KCNAB3: variants seen among roughly 807,000 people sequenced by gnomAD.
KCNAB3 encodes the protein voltage-gated potassium channel subunit beta-3.
Under a neutral mutation model 67.7 loss-of-function variants are expected in KCNAB3, and 62 were observed. The observed-to-expected ratio is 0.92, with a 90% CI of 0.75 to 1.13. The LOEUF (loss-of-function observed/expected upper bound fraction) is 1.13, where lower values mean the gene tolerates loss of function less well. KCNAB3 is among the 50% of genes most tolerant of loss of function. KCNAB3 has a pLI of 0.00. For missense variants in KCNAB3, 514 were observed against 522.9 expected, an observed-to-expected ratio of 0.98 and a Z score of 0.17; for synonymous variants, 212 against 205.4, an observed-to-expected ratio of 1.03 and a Z score of -0.27.
At position 7,922,075 on chromosome 17, in the gene KCNAB3, TGGAGAGAAA is replaced by T. The variant is rs1200496740; in HGVS notation, c.*1018_*1026del. 1 of 152,038 alleles carries T rather than the reference TGGAGAGAAA, an allele frequency of 6.6e-6. No homozygotes were observed. The highest frequency in any genetic ancestry group is 2.4e-5 in the African/African-American group (1 of 41,344). 9.4% of individuals were successfully genotyped at this position (152,038 alleles called of 1,614,324 possible). ...CTGGGTCACCAAGGTGAATGAGCAA[TGGAGAGAAA>T]GCTAATGCTAGCAGATTTCTAATGT... On this transcript the variant is annotated 3_prime_UTR_variant, in exon 14 of 14. Coordinates refer to ENST00000303790, the MANE Select transcript of KCNAB3 (RefSeq NM_004732.4).
chr17:7,926,852 C>T (rs1428627966), intron 4 of KCNAB3, among the ~76,000 whole-genome samples: 1 of 152,116 alleles, frequency 6.6e-6, no homozygotes, highest in East Asian at 1.9e-4. Flanking sequence ...GCTGCATAAA[C>T]CACGAATTGC....
At chr17:7,927,901 C>T in intron 1 of KCNAB3, 75 bp from the exon 2 acceptor site, 1 of 1,571,816 alleles carries the variant, frequency 6.4e-7, no homozygotes, top group East Asian at 2.2e-5. Flanking sequence ...CAGCTCCTCT[C>T]CTTCCAGACT....
At position 7,923,046 on chromosome 17, in the gene KCNAB3, A is replaced by T; in HGVS notation, c.*56T>A. 1 of 1,537,820 alleles carries T rather than the reference A, an allele frequency of 6.5e-7. No homozygotes were observed. Among genetic ancestry groups the T allele is most frequent in the Non-Finnish European group, 9.0e-7 (1 of 1,111,604 alleles). ...CGGAGCGGGAGAGGCGGCTGCGAGGAGCGGGGCTCGGGCGGGTGCAGCGAC... is the reference window on the plus strand; with the variant it reads ...CGGAGCGGGAGAGGCGGCTGCGAGGTGCGGGGCTCGGGCGGGTGCAGCGAC... On this transcript the variant is annotated 3_prime_UTR_variant, in exon 14 of 14. Transcript: ENST00000303790.
chr17:7,924,921 T>G (rs1186148276), intron 8 of KCNAB3, 176 bp downstream of exon 8: 37 of 605,758 alleles, frequency 6.1e-5, no homozygotes, highest in Non-Finnish European at 2.8e-5. Flanking sequence ...TTTTAAAACA[T>G]TTTTTGTAGA....
At chr17:7,923,583 A>T (rs984646185) in intron 12 of KCNAB3, 39 bp from the exon 13 acceptor site, 7 of 1,567,200 alleles carry the variant, frequency 4.5e-6, no homozygotes, top group Middle Eastern at 1.7e-4. Context: ...CTGATGGGGA[A>T]CAGTGACCAC....
chr17:7,923,306 G>T, intron 13 of KCNAB3, 127 bp from the exon 14 acceptor site: 3 of 1,247,328 alleles, frequency 2.4e-6, no homozygotes, highest in Non-Finnish European at 3.5e-6. Context: ...CAGCTGTGCC[G>T]GTGCCTCGCT....
At position 7,923,765 on chromosome 17, in the gene KCNAB3, C is replaced by A. The variant is rs1434386296; in HGVS notation, c.994G>T (p.Asp332Tyr). The change falls in exon 12 of 14, where the codon GAC becomes TAC. Residue 332 changes from aspartate to tyrosine, a missense_variant. Asp to Tyr is a radical substitution (Grantham distance 160). Coordinates refer to ENST00000303790, the MANE Select transcript of KCNAB3 (RefSeq NM_004732.4). ...AGCTGGTGAGCGACAGGAAGAAGGTCCATGACTTTGGCTTGTTGCTTCTTG... is the reference window on the plus strand; with the variant it reads ...AGCTGGTGAGCGACAGGAAGAAGGTACATGACTTTGGCTTGTTGCTTCTTG... ...DGKKQQAKVM[D>Y]LLPVAHQLGC... 6.3e-7 allele frequency: 1 copy of A among 1,579,544 alleles called. No homozygotes were observed. Among genetic ancestry groups the A allele is most frequent in the Non-Finnish European group, 8.6e-7 (1 of 1,161,668 alleles).
Position 7,926,097 on chromosome 17 carries a change from T to C in KCNAB3, c.411A>G (p.Glu137=), listed in dbSNP as rs140831209. 1 of 1,614,132 alleles carries C rather than the reference T, an allele frequency of 6.2e-7. No homozygotes were observed. Among genetic ancestry groups the C allele is most frequent in the Non-Finnish European group, 8.5e-7 (1 of 1,180,012 alleles). ...TCTTGAGGATGTTCCCTAGGGTTCTTTCAGCCCTAAAAGAAACATAAGGCA... is the reference window on the plus strand; with the variant it reads ...TCTTGAGGATGTTCCCTAGGGTTCTCTCAGCCCTAAAAGAAACATAAGGCA... The part of the protein sequence containing the change: ...TAEVYAAGKA[E]RTLGNILKSK... Residue 137 remains glutamate, a synonymous_variant, in exon 5 of 14, where the codon GAA becomes GAG. Coordinates refer to ENST00000303790, the MANE Select transcript of KCNAB3 (RefSeq NM_004732.4).
intron 3 of KCNAB3, 82 bp from the exon 4 acceptor site, chr17:7,927,505 C>T (rs1972273824): frequency 2.0e-6 from 3 of 1,521,288 alleles, no homozygotes; most frequent in Admixed American, 1.7e-5. Flanking sequence ...ACATCTCAGC[C>T]CTGGGTTCTC....
Position 7,922,983 on chromosome 17 carries a change from C to CG in KCNAB3, c.*118dup. ...CTCGAAGCCGGGACTCGTTGGTGGG[C>CG]GGGGCTAGTCTGGCTCCGGCCGCTG... On this transcript the variant is annotated 3_prime_UTR_variant, in exon 14 of 14. Transcript: ENST00000303790. The CG allele has an allele frequency of 3.4e-6, 3 of 887,706 alleles. No homozygotes were observed. The highest frequency in any genetic ancestry group is 5.6e-6 in the Non-Finnish European group (3 of 535,740). 55.0% of individuals were successfully genotyped at this position (887,706 alleles called of 1,614,324 possible).
chr17:7,927,998 C>A (rs1972293239), intron 1 of KCNAB3, 172 bp from the exon 2 acceptor site: 1 of 709,276 alleles, frequency 1.4e-6, no homozygotes, highest in Admixed American at 2.7e-5. Context: ...AGCAGAGGTC[C>A]TAGGAATTTT....
intron 13 of KCNAB3, 56 bp downstream of exon 13, chr17:7,923,400 G>T (rs1972109666): frequency 6.5e-7 from 1 of 1,537,820 alleles, no homozygotes; most frequent in Non-Finnish European, 8.9e-7. Flanking sequence ...GGATAGCGTG[G>T]CTTTGACTCC....
chr17:7,925,245 CCACCAGGCGTGGT>C (rs1972185150), intron 7 of KCNAB3, 62 bp from the exon 8 acceptor site: 1 of 1,360,516 alleles, frequency 7.4e-7, no homozygotes, highest in Non-Finnish European at 1.0e-6. Flanking sequence ...AGAATGCAGG[CCACCAGGCGTGGT>C]GGCTCATGCC....
At chr17:7,926,632 GGT>G (rs1206896695) in intron 4 of KCNAB3, among the ~76,000 whole-genome samples, 3 of 152,160 alleles carry the variant, frequency 2.0e-5, no homozygotes, top group African/African-American at 7.2e-5. Context: ...AAGTTGTCAT[GGT>G]GGACTGTTAC....
rs1290853979 is a variant in KCNAB3 at position 7,924,444 on chromosome 17, T to TC, written c.681dup (p.Thr228AspfsTer27). 6.2e-6 allele frequency: 10 copies of TC among 1,613,864 alleles called. No homozygotes were observed. The highest frequency in any genetic ancestry group is 7.6e-6 in the Non-Finnish European group (9 of 1,179,944). Reference sequence around the variant, plus strand: ...ATTTCTGCAGCCCCCCATCGGGATGTCCCCCAGTATAGGGCCAGGCCCTGG... The same window carrying TC: ...ATTTCTGCAGCCCCCCATCGGGATGTCCCCCCAGTATAGGGCCAGGCCCTGG... On this transcript the variant is annotated frameshift_variant, in exon 9 of 14. Transcript: ENST00000303790. LOFTEE classifies it high-confidence loss of function.
intron 4 of KCNAB3, among the ~76,000 whole-genome samples, chr17:7,926,962 G>T (rs78790828): frequency 6.6e-6 from 1 of 152,068 alleles, no homozygotes; most frequent in African/African-American, 2.4e-5. Context: ...GCGGACACTC[G>T]GGTCAAGTCT....
At chr17:7,924,693 T>G in intron 8 of KCNAB3, 193 bp from the exon 9 acceptor site, 1 of 1,365,114 alleles carries the variant, frequency 7.3e-7, no homozygotes, top group Non-Finnish European at 9.4e-7. Context: ...TTGGAGGCCT[T>G]CTGAGCAGGG....
At chr17:7,926,931 T>A (rs189224068) in intron 4 of KCNAB3, among the ~76,000 whole-genome samples, 1 of 151,844 alleles carries the variant, frequency 6.6e-6, no homozygotes, top group East Asian at 1.9e-4. Flanking sequence ...CTCTGGGGAG[T>A]TGGGCAAAGT....
Position 7,923,967 on chromosome 17 carries a change from C to T in KCNAB3, c.927+1G>A, listed in dbSNP as rs199658994. ...TGCCATCGAGAGCCCCCAGATCTCA[C>T]CTTGATGGAGGCCCTGCAAGTATCT... On this transcript the variant is annotated splice_donor_variant, in intron 11 of 13. Transcript: ENST00000303790. LOFTEE classifies it high-confidence loss of function. 5 of 1,613,178 alleles carry T rather than the reference C, an allele frequency of 3.1e-6. No individual in the cohort carries two copies. In the South Asian group the frequency reaches 4.4e-5, roughly 14 times the overall value.
Sources: allele counts gnomAD v4.1 joint callset (sites outside exome capture counted in the v4.1 genomes callset), GRCh38; gene constraint gnomAD v4.1.1; transcripts MANE v1.5; gene names NCBI Gene and HGNC (gene_info 2026-07-23, HGNC 2026-07-21).